The following C1orf21 variants were observed in gnomAD, a reference collection of about 807,000 sequenced individuals.
C1orf21 encodes the protein chromosome 1 open reading frame 21.
A neutral mutation model predicts 18.7 loss-of-function variants in C1orf21; 3 were observed. That is an observed-to-expected ratio of 0.16 (90% CI 0.07 to 0.42). The LOEUF is 0.42. Among genes scored for constraint, C1orf21 ranks in the 10% least tolerant of loss-of-function variants. C1orf21 has a pLI of 0.99. For missense variants in C1orf21, 104 were observed against 143.6 expected, an observed-to-expected ratio of 0.72 and a Z score of 1.41; for synonymous variants, 41 against 46.4, an observed-to-expected ratio of 0.88 and a Z score of 0.47.
At chr1:184,404,827 G>C (rs551686218) in intron 1 of C1orf21, among the ~76,000 whole-genome samples, 1 of 152,098 alleles carries the variant, frequency 6.6e-6, no homozygotes, top group Admixed American at 6.5e-5. Context: ...CTACCCCCTC[G>C]TGATGCGTCC....
At chr1:184,393,048 G>A (rs1655998268) in intron 1 of C1orf21, among the ~76,000 whole-genome samples, 1 of 151,738 alleles carries the variant, frequency 6.6e-6, no homozygotes, top group African/African-American at 2.4e-5. Context: ...AGGCTGGTCT[G>A]GAACTCCTGA....
At chr1:184,396,698 A>T (rs934362362) in intron 1 of C1orf21, among the ~76,000 whole-genome samples, 1 of 152,176 alleles carries the variant, frequency 6.6e-6, no homozygotes, top group East Asian at 1.9e-4. Flanking sequence ...CTACATTTCC[A>T]TGATGAGGTC....
intron 1 of C1orf21, among the ~76,000 whole-genome samples, chr1:184,413,808 A>G (rs973610978): frequency 2.6e-5 from 4 of 152,150 alleles, no homozygotes; most frequent in African/African-American, 9.7e-5. Context: ...TTTCCCATTT[A>G]TAGTTTGCTG....
chr1:184,399,500 C>G (rs1158096822), intron 1 of C1orf21, among the ~76,000 whole-genome samples: 1 of 151,474 alleles, frequency 6.6e-6, no homozygotes, highest in East Asian at 1.9e-4. Context: ...GTAGCTGGGA[C>G]TATAGGTGTA....
chr1:184,458,088 T>G (rs1302349182), intron 1 of C1orf21, among the ~76,000 whole-genome samples: 1 of 152,116 alleles, frequency 6.6e-6, no homozygotes, highest in African/African-American at 2.4e-5. Flanking sequence ...AGAGCCTGAT[T>G]CTACCCCAAT....
At chr1:184,456,726 C>G (rs1426870386) in intron 1 of C1orf21, among the ~76,000 whole-genome samples, 1 of 152,180 alleles carries the variant, frequency 6.6e-6, no homozygotes, top group Admixed American at 6.6e-5. Context: ...TTGACTCCAT[C>G]CGATAGGCAC....
chr1:184,408,601 G>T (rs541592979), intron 1 of C1orf21, among the ~76,000 whole-genome samples: 1 of 152,124 alleles, frequency 6.6e-6, no homozygotes, highest in Non-Finnish European at 1.5e-5. Flanking sequence ...GTTATTATTT[G>T]GGTCATTTGT....
At chr1:184,589,444 C>T (rs2101998531) in intron 3 of C1orf21, among the ~76,000 whole-genome samples, 1 of 152,304 alleles carries the variant, frequency 6.6e-6, no homozygotes, top group East Asian at 1.9e-4. Context: ...GGACATGGGC[C>T]CTGCCCTTCT....
At chr1:184,410,855 T>A (rs1173953596) in intron 1 of C1orf21, among the ~76,000 whole-genome samples, 1 of 148,482 alleles carries the variant, frequency 6.7e-6, no homozygotes, top group East Asian at 2.0e-4. Context: ...TTTTGCCACG[T>A]TGTCCAGGCT....
intron 2 of C1orf21, among the ~76,000 whole-genome samples, chr1:184,492,729 G>C (rs1657833830): frequency 6.6e-6 from 1 of 152,196 alleles, no homozygotes; most frequent in Non-Finnish European, 1.5e-5. Context: ...GCTTAAATTG[G>C]TGCTGTGCAG....
intron 1 of C1orf21, among the ~76,000 whole-genome samples, chr1:184,419,552 T>C (rs1473271774): frequency 6.6e-6 from 1 of 152,092 alleles, no homozygotes; most frequent in East Asian, 1.9e-4. Flanking sequence ...GAGGAGCATA[T>C]ACTTTAGAAC....
chr1:184,571,728 A>G (rs1395201906), intron 3 of C1orf21, among the ~76,000 whole-genome samples: 2 of 152,154 alleles, frequency 1.3e-5, no homozygotes, highest in African/African-American at 2.4e-5. Flanking sequence ...ATCATTAGAT[A>G]TTGGAACATA....
chr1:184,432,711 A>G (rs1442976743), intron 1 of C1orf21, among the ~76,000 whole-genome samples: 1 of 152,166 alleles, frequency 6.6e-6, no homozygotes, highest in African/African-American at 2.4e-5. Flanking sequence ...TGTGAGGAAG[A>G]AGGAAAAATA....
intron 5 of C1orf21, among the ~76,000 whole-genome samples, chr1:184,606,144 G>A (rs930841371): frequency 6.6e-6 from 1 of 152,202 alleles, no homozygotes; most frequent in African/African-American, 2.4e-5. Context: ...GCTAACTTTC[G>A]AGCTGTGATT....
intron 5 of C1orf21, among the ~76,000 whole-genome samples, chr1:184,611,883 G>C (rs1440234855): frequency 6.6e-6 from 1 of 152,056 alleles, no homozygotes; most frequent in Admixed American, 6.5e-5. Flanking sequence ...AGGATGTGGA[G>C]TAAAAAACTG....
chr1:184,445,341 G>A (rs1657011698), intron 1 of C1orf21, among the ~76,000 whole-genome samples: 1 of 113,316 alleles, frequency 8.8e-6, no homozygotes, highest in African/African-American at 4.3e-5. Context: ...CCTTTTTTCA[G>A]ACCTCTCTCT....
chr1:184,559,896 C>A (rs555458408), intron 3 of C1orf21, among the ~76,000 whole-genome samples: 1 of 151,984 alleles, frequency 6.6e-6, no homozygotes, highest in African/African-American at 2.4e-5. Flanking sequence ...GGATTACAGG[C>A]GTGAGCCACC....
chr1:184,592,673 C>G (rs965466635), intron 4 of C1orf21, among the ~76,000 whole-genome samples: 6 of 149,644 alleles, frequency 4.0e-5, no homozygotes, highest in African/African-American at 1.5e-4. Flanking sequence ...ATTGATAGCC[C>G]CATAAATCAA....
At chr1:184,505,343 A>ATATATATATG in intron 2 of C1orf21, among the ~76,000 whole-genome samples, 1 of 129,634 alleles carries the variant, frequency 7.7e-6, no homozygotes, top group African/African-American at 3.4e-5. Flanking sequence ...ATATATATAC[A>ATATATATATG]CACATGCCAT....
Sources: allele counts gnomAD v4.1 joint callset (sites outside exome capture counted in the v4.1 genomes callset), GRCh38; gene constraint gnomAD v4.1.1; transcripts MANE v1.5; gene names NCBI Gene and HGNC (gene_info 2026-07-23, HGNC 2026-07-21).